Variants in ADK observed in about 807,000 individuals in gnomAD.
The protein encoded by ADK is adenosine kinase.
A neutral mutation model predicts 44.7 loss-of-function variants in ADK; 24 were observed. The observed-to-expected ratio is 0.54, with a 90% CI of 0.39 to 0.76. ADK has a LOEUF of 0.76. ADK is among the 30% of genes least tolerant of loss of function. The pLI, the probability that ADK is intolerant of heterozygous loss-of-function variation, is 0.00. For missense variants in ADK, 321 were observed against 425.1 expected (o/e 0.76, Z 2.15); for synonymous variants, 128 against 142.6 (o/e 0.90, Z 0.73).
At chr10:74,475,323 C>T (rs1237322996) in intron 6 of ADK, among the ~76,000 whole-genome samples, 1 of 152,098 alleles carries the variant, frequency 6.6e-6, no homozygotes, top group Non-Finnish European at 1.5e-5. Flanking sequence ...ACAGACCTGT[C>T]ATCTTTTTAT....
At chr10:74,708,124 T>G (rs1267526012) in intron 10 of ADK, among the ~76,000 whole-genome samples, 197 bp from the exon 11 acceptor site, 1 of 138,636 alleles carries the variant, frequency 7.2e-6, no homozygotes, top group African/African-American at 2.8e-5. Context: ...TACTCCAGCC[T>G]GCGTGACAGG....
chr10:74,605,319 G>T (rs1166200460), intron 9 of ADK, among the ~76,000 whole-genome samples: 1 of 152,168 alleles, frequency 6.6e-6, no homozygotes, highest in Non-Finnish European at 1.5e-5. Flanking sequence ...CTTGTCTTGT[G>T]CCGGTTTTCA....
At chr10:74,162,061 A>C (rs752399999) in intron 1 of ADK, among the ~76,000 whole-genome samples, 5 of 151,720 alleles carry the variant, frequency 3.3e-5, no homozygotes, top group Non-Finnish European at 5.9e-5. Context: ...ACTCTTGTTG[A>C]CCAGGCTGGA....
At chr10:74,285,913 T>C (rs1347642318) in intron 3 of ADK, among the ~76,000 whole-genome samples, 6 of 152,184 alleles carry the variant, frequency 3.9e-5, no homozygotes, top group African/African-American at 1.2e-4. Context: ...CTGTACTATG[T>C]ATTATTGTTA....
At chr10:74,596,835 C>A (rs552983447) in intron 8 of ADK, among the ~76,000 whole-genome samples, 1 of 152,314 alleles carries the variant, frequency 6.6e-6, no homozygotes, top group South Asian at 2.1e-4. Context: ...GCATGAGCCA[C>A]CACGCCTTAC....
intron 4 of ADK, among the ~76,000 whole-genome samples, chr10:74,377,889 G>C (rs548177954): frequency 6.6e-6 from 1 of 152,272 alleles, no homozygotes; most frequent in East Asian, 1.9e-4. Flanking sequence ...CATCTGTTCA[G>C]TAGGTTGGGG....
intron 3 of ADK, among the ~76,000 whole-genome samples, chr10:74,308,813 TCTC>T (rs534053508): frequency 6.6e-6 from 1 of 152,250 alleles, no homozygotes; most frequent in South Asian, 2.1e-4. Context: ...TCTTCTTTCT[TCTC>T]CTGATAATAT....
intron 4 of ADK, among the ~76,000 whole-genome samples, chr10:74,387,580 C>G (rs1235888780): frequency 6.6e-6 from 1 of 152,086 alleles, no homozygotes; most frequent in African/African-American, 2.4e-5. Flanking sequence ...AAGATCATAC[C>G]CATCCTTCAA....
chr10:74,263,409 T>A (rs996079030), intron 3 of ADK, among the ~76,000 whole-genome samples: 2 of 152,208 alleles, frequency 1.3e-5, no homozygotes, highest in African/African-American at 4.8e-5. Context: ...GCTAGTGATG[T>A]TCTACAGTTT....
At chr10:74,442,554 G>A (rs892479722) in intron 6 of ADK, among the ~76,000 whole-genome samples, 14 of 152,186 alleles carry the variant, frequency 9.2e-5, no homozygotes, top group Admixed American at 7.2e-4. Context: ...GCTGCGGCAG[G>A]AGAATCGCTC....
intron 6 of ADK, among the ~76,000 whole-genome samples, chr10:74,463,207 A>G (rs902057931): frequency 2.0e-5 from 3 of 147,698 alleles, no homozygotes; most frequent in Non-Finnish European, 4.5e-5. Flanking sequence ...TCCACAGGGC[A>G]GGGTGGGGGA....
intron 4 of ADK, among the ~76,000 whole-genome samples, chr10:74,342,779 T>TTGTGTGTGTGTG (rs757212421): frequency 0.025 from 3,539 of 141,370 alleles, 196 homozygotes; most frequent in African/African-American, 0.087. Flanking sequence ...CTAGCTCAGT[T>TTGTGTGTGTGTG]TGTGTGTGTG....
chr10:74,205,592 G>C (rs1250356003), intron 2 of ADK, among the ~76,000 whole-genome samples: 2 of 151,064 alleles, frequency 1.3e-5, no homozygotes, highest in African/African-American at 4.9e-5. Context: ...AGGAGAATCG[G>C]GTGAACCTGG....
At chr10:74,184,496 A>G (rs956155459) in intron 1 of ADK, among the ~76,000 whole-genome samples, 9 of 125,828 alleles carry the variant, frequency 7.2e-5, no homozygotes, top group Admixed American at 2.6e-4. Context: ...ATGCCTGGCT[A>G]TATTTTGTGT....
chr10:74,356,105 C>G (rs11001010), intron 4 of ADK, among the ~76,000 whole-genome samples: 90,860 of 142,592 alleles, frequency 0.64, 30,270 homozygotes, highest in Middle Eastern at 0.79. Flanking sequence ...TGCAAGCTCC[C>G]CTTCCCGGGT....
rs139230998 is a variant in ADK at position 74,274,747 on chromosome 10, TACAC to T, written c.195-39912_195-39909del. Among the ~76,000 whole-genome samples, 289 of 95,334 alleles carry T rather than the reference TACAC, an allele frequency of 3.0e-3. 35 individuals are homozygous for T. The highest frequency in any genetic ancestry group is 6.3e-3 in the Middle Eastern group (1 of 160). 62.5% of individuals were successfully genotyped at this position (95,334 alleles called of 152,430 possible). ...TTTAATGTGTGTATATATATATATA[TACAC>T]ACACACATTATATATATATAATTTT... On this transcript the variant is annotated intron_variant, in intron 3 of 10. Coordinates refer to ENST00000539909, the MANE Select transcript of ADK (RefSeq NM_006721.4).
chr10:74,621,615 C>T (rs905720045), intron 9 of ADK, among the ~76,000 whole-genome samples: 7 of 151,894 alleles, frequency 4.6e-5, no homozygotes, highest in Non-Finnish European at 8.8e-5. Context: ...GAATGTCATT[C>T]GTATTTTGAT....
At chr10:74,405,295 G>T (rs1843877603) in intron 6 of ADK, among the ~76,000 whole-genome samples, 1 of 151,704 alleles carries the variant, frequency 6.6e-6, no homozygotes, top group Non-Finnish European at 1.5e-5. Flanking sequence ...AGGCCACACA[G>T]CAGGAGGTGA....
intron 1 of ADK, chr10:74,176,429 G>C: frequency 9.5e-7 from 1 of 1,047,182 alleles, no homozygotes; most frequent in Non-Finnish European, 1.2e-6. Flanking sequence ...CTGTTACAGG[G>C]AGCTGAGCTT....
Sources: allele counts gnomAD v4.1 joint callset (sites outside exome capture counted in the v4.1 genomes callset), GRCh38; gene constraint gnomAD v4.1.1; transcripts MANE v1.5; gene names NCBI Gene and HGNC (gene_info 2026-07-23, HGNC 2026-07-21).